Variants in LRMDA observed in about 807,000 individuals in gnomAD.
LRMDA encodes leucine-rich melanocyte differentiation-associated protein.
In LRMDA, 18 loss-of-function variants were observed where a neutral mutation model predicts 29.8. That is an observed-to-expected ratio of 0.60 (90% CI 0.42 to 0.90). The LOEUF is 0.90. Among genes scored for constraint, LRMDA ranks in the 40% least tolerant of loss-of-function variants. The pLI, the probability that LRMDA is intolerant of heterozygous loss-of-function variation, is 0.00. For missense variants in LRMDA, 273 were observed against 273.9 expected (o/e 1.00, Z 0.02); for synonymous variants, 125 against 109.4 (o/e 1.14, Z -0.89).
chr10:76,128,311 C>T (rs962733514), intron 5 of LRMDA, among the ~76,000 whole-genome samples: 3 of 152,144 alleles, frequency 2.0e-5, no homozygotes, highest in Non-Finnish European at 2.9e-5. Context: ...CTGCTGGATG[C>T]AAGCCATGGG....
chr10:76,392,221 C>T (rs1191333214), intron 6 of LRMDA, among the ~76,000 whole-genome samples: 1 of 152,118 alleles, frequency 6.6e-6, no homozygotes, highest in Non-Finnish European at 1.5e-5. Flanking sequence ...ATCCCATCTT[C>T]ATTCACAGTG....
chr10:75,504,570 G>A (rs1265140299), intron 2 of LRMDA, among the ~76,000 whole-genome samples: 1 of 152,184 alleles, frequency 6.6e-6, no homozygotes, highest in Non-Finnish European at 1.5e-5. Context: ...AATAACGTCT[G>A]TAGTAATAGG....
intron 2 of LRMDA, among the ~76,000 whole-genome samples, chr10:75,904,087 C>G (rs1185634242): frequency 2.0e-5 from 3 of 152,186 alleles, no homozygotes; most frequent in Non-Finnish European, 4.4e-5. Context: ...ACAGTGGAGG[C>G]AGTGGCTAGA....
chr10:75,702,275 C>T (rs145721724), intron 2 of LRMDA, among the ~76,000 whole-genome samples: 1 of 152,270 alleles, frequency 6.6e-6, no homozygotes, highest in East Asian at 1.9e-4. Context: ...GAGGTCACTG[C>T]ACATTACCTG....
intron 2 of LRMDA, among the ~76,000 whole-genome samples, chr10:75,464,783 C>G (rs186492143): frequency 6.6e-6 from 1 of 152,180 alleles, no homozygotes; most frequent in African/African-American, 2.4e-5. Flanking sequence ...AAATTATCAT[C>G]AGAGGATCAA....
chr10:75,903,450 G>A (rs895765054), intron 2 of LRMDA, among the ~76,000 whole-genome samples: 4 of 152,296 alleles, frequency 2.6e-5, no homozygotes, highest in Admixed American at 2.0e-4. Flanking sequence ...TGAAAGAAAG[G>A]AGCCATAAAA....
chr10:76,465,152 T>G (rs1011105247), intron 6 of LRMDA, among the ~76,000 whole-genome samples: 29 of 152,140 alleles, frequency 1.9e-4, no homozygotes, highest in Non-Finnish European at 3.4e-4. Flanking sequence ...ATCACACCAC[T>G]TAGTTGATGT....
At chr10:75,473,928 T>G (rs972066997) in intron 2 of LRMDA, among the ~76,000 whole-genome samples, 2 of 152,210 alleles carry the variant, frequency 1.3e-5, no homozygotes, top group African/African-American at 4.8e-5. Flanking sequence ...TCTTAGGCTC[T>G]ATCCTATTGA....
At chr10:76,144,393 G>A (rs1850269230) in intron 5 of LRMDA, among the ~76,000 whole-genome samples, 2 of 152,040 alleles carry the variant, frequency 1.3e-5, no homozygotes, top group Non-Finnish European at 2.9e-5. Context: ...AGTTCTCCTT[G>A]AAGAGGTCCT....
At chr10:75,532,460 A>G (rs1381878716) in intron 2 of LRMDA, among the ~76,000 whole-genome samples, 2 of 152,122 alleles carry the variant, frequency 1.3e-5, no homozygotes, top group African/African-American at 4.8e-5. Context: ...GGGCTTGGGG[A>G]AAGTGCCTTT....
intron 2 of LRMDA, among the ~76,000 whole-genome samples, chr10:75,892,653 T>G (rs999728933): frequency 1.2e-4 from 19 of 152,284 alleles, no homozygotes; most frequent in Middle Eastern, 3.4e-3. Flanking sequence ...CAGCCGATAA[T>G]GTATCACATA....
chr10:75,623,189 A>G (rs1208350107), intron 2 of LRMDA, among the ~76,000 whole-genome samples: 1 of 152,218 alleles, frequency 6.6e-6, no homozygotes, highest in Non-Finnish European at 1.5e-5. Flanking sequence ...GCTGGATATA[A>G]TTACTGTTAT....
chr10:75,508,839 T>C (rs1029746749), intron 2 of LRMDA, among the ~76,000 whole-genome samples: 2 of 152,198 alleles, frequency 1.3e-5, no homozygotes, highest in African/African-American at 4.8e-5. Context: ...ACATTAAGAA[T>C]TTATGACTCT....
At chr10:75,436,661 G>T (rs1184614543) in intron 1 of LRMDA, among the ~76,000 whole-genome samples, 1 of 151,922 alleles carries the variant, frequency 6.6e-6, no homozygotes, top group Non-Finnish European at 1.5e-5. Flanking sequence ...AGTAGAGATG[G>T]GGTTTCACCA....
At chr10:76,470,044 C>T (rs572089353) in intron 6 of LRMDA, among the ~76,000 whole-genome samples, 1 of 151,900 alleles carries the variant, frequency 6.6e-6, no homozygotes, top group Admixed American at 6.6e-5. Context: ...AATCAAAGTG[C>T]TGGAAAAAAA....
chr10:76,116,858 C>A (rs1386593991), intron 5 of LRMDA, among the ~76,000 whole-genome samples: 1 of 152,146 alleles, frequency 6.6e-6, no homozygotes, highest in East Asian at 1.9e-4. Flanking sequence ...CTGTTACATA[C>A]ATTCAAGAGT....
intron 2 of LRMDA, among the ~76,000 whole-genome samples, chr10:75,587,942 G>GT (rs1441284813): frequency 6.6e-6 from 1 of 152,208 alleles, no homozygotes; most frequent in African/African-American, 2.4e-5. Flanking sequence ...CGTGATGGTT[G>GT]TTTCTTGTAT....
At chr10:76,118,123 A>G (rs1030536747) in intron 5 of LRMDA, among the ~76,000 whole-genome samples, 12 of 152,308 alleles carry the variant, frequency 7.9e-5, no homozygotes, top group African/African-American at 2.6e-4. Context: ...CTCACTGGTA[A>G]AATTTGGGAA....
chr10:76,184,847 A>G (rs1290290709), intron 5 of LRMDA, among the ~76,000 whole-genome samples: 1 of 152,238 alleles, frequency 6.6e-6, no homozygotes, highest in East Asian at 1.9e-4. Context: ...CCAAAATGGA[A>G]CGATGTGCAC....
Sources: gnomAD v4.1 joint callset for allele counts (sites outside exome capture counted in the v4.1 genomes callset) on GRCh38, gnomAD v4.1.1 for gene constraint, MANE v1.5 for transcripts, NCBI Gene and HGNC (gene_info 2026-07-23, HGNC 2026-07-21) for gene names.